PTPRT: variants seen among roughly 807,000 people sequenced by gnomAD.
The protein encoded by PTPRT is receptor-type tyrosine-protein phosphatase T.
PTPRT carries 56 observed loss-of-function variants against 176.8 expected under a neutral mutation model. That is an observed-to-expected ratio of 0.32 (90% CI 0.26 to 0.40). The LOEUF is 0.40. Among genes scored for constraint, PTPRT ranks in the 10% least tolerant of loss-of-function variants. The pLI is 1.00. For missense variants in PTPRT, 1,540 were observed against 1,908.2 expected (o/e 0.81, Z 3.60); for synonymous variants, 783 against 739.0 (o/e 1.06, Z -0.96).
chr20:43,059,034 TC>T (rs1600681386), intron 1 of PTPRT, among the ~76,000 whole-genome samples: 1 of 152,252 alleles, frequency 6.6e-6, no homozygotes, highest in Non-Finnish European at 1.5e-5. Context: ...TGGGAGCTCT[TC>T]CTTTGAAACC....
chr20:43,185,749 A>G (rs1380922047), intron 1 of PTPRT, among the ~76,000 whole-genome samples: 1 of 152,150 alleles, frequency 6.6e-6, no homozygotes, highest in Non-Finnish European at 1.5e-5. Context: ...GCTGGCCAAC[A>G]TGGTGAAACC....
intron 16 of PTPRT, among the ~76,000 whole-genome samples, chr20:42,192,818 C>T (rs73262915): frequency 0.014 from 2,187 of 152,270 alleles, 46 homozygotes; most frequent in African/African-American, 0.051. Flanking sequence ...CTTTGGGATG[C>T]GTAAGGATGG....
At chr20:42,982,940 C>T (rs1291284052) in intron 1 of PTPRT, among the ~76,000 whole-genome samples, 1 of 152,202 alleles carries the variant, frequency 6.6e-6, no homozygotes, top group Non-Finnish European at 1.5e-5. Flanking sequence ...TCCCACATAC[C>T]TTACGGGCAT....
chr20:42,472,122 C>G, intron 8 of PTPRT, 144 bp downstream of exon 8: 1 of 910,478 alleles, frequency 1.1e-6, no homozygotes, highest in Non-Finnish European at 1.6e-6. Flanking sequence ...TTTACATAGT[C>G]CTTCATTGAA....
intron 2 of PTPRT, among the ~76,000 whole-genome samples, chr20:42,813,099 T>C (rs1198535553): frequency 6.6e-6 from 1 of 152,200 alleles, no homozygotes; most frequent in Non-Finnish European, 1.5e-5. Context: ...TATTTTGTTT[T>C]TGTATTGTTT....
chr20:42,704,067 GT>G (rs1332043900), intron 6 of PTPRT, among the ~76,000 whole-genome samples: 1 of 152,038 alleles, frequency 6.6e-6, no homozygotes. Context: ...CAAAACCAAG[GT>G]CACTGTGCAA....
rs1369293369 is a variant in PTPRT, at chr20:42,791,443, A to G, written c.238T>C (p.Ser80Pro). Residue 80 changes from serine (S) to proline (P), a missense_variant, in exon 3 of 31, where the codon TCT (serine) becomes CCT (proline). Transcript: ENST00000373187. ...PTGSFMMVNSSGRASGQKAHL... is the reference protein window; with the variant it reads ...PTGSFMMVNSPGRASGQKAHL... ...GCCTTCTGGCCAGAGGCTCTCCCAG[A>G]GCTGTTCACCATCATGAAAGATCCT... is the stretch of plus-strand genomic sequence containing the variant. The G allele has an allele frequency of 6.2e-7, 1 of 1,612,694 alleles. No homozygotes were observed. Among genetic ancestry groups the G allele is most frequent in the East Asian group, 2.2e-5 (1 of 44,838 alleles).
chr20:42,814,841 C>T (rs1352998036), intron 2 of PTPRT, among the ~76,000 whole-genome samples: 1 of 152,080 alleles, frequency 6.6e-6, no homozygotes, highest in African/African-American at 2.4e-5. Context: ...TGAACACCAA[C>T]ATTAGTTTAA....
At chr20:42,638,312 T>C (rs2145921280) in intron 7 of PTPRT, among the ~76,000 whole-genome samples, 1 of 152,162 alleles carries the variant, frequency 6.6e-6, no homozygotes, top group African/African-American at 2.4e-5. Flanking sequence ...CTTCAGGATG[T>C]CCATTTAGCG....
At chr20:42,427,603 T>A (rs1474297287) in intron 9 of PTPRT, among the ~76,000 whole-genome samples, 2 of 152,046 alleles carry the variant, frequency 1.3e-5, no homozygotes, top group Non-Finnish European at 2.9e-5. Flanking sequence ...AAGGGCAGAC[T>A]CCTCCCAAAC....
chr20:42,052,935 A>G, the PTPRT span, among the ~76,000 whole-genome samples: 1 of 152,300 alleles, frequency 6.6e-6, no homozygotes, highest in African/African-American at 2.4e-5. Context: ...CTTTTTCTGT[A>G]AAAAGCCAGA....
intron 7 of PTPRT, among the ~76,000 whole-genome samples, chr20:42,498,211 A>G (rs1411795759): frequency 6.6e-6 from 1 of 152,170 alleles, no homozygotes; most frequent in East Asian, 1.9e-4. Context: ...AATCGAAAAT[A>G]AAATTCTAAG....
intron 12 of PTPRT, among the ~76,000 whole-genome samples, chr20:42,286,293 C>T (rs150894018): frequency 1.3e-5 from 2 of 152,008 alleles, no homozygotes; most frequent in Admixed American, 6.6e-5. Context: ...GCAAAAAGAA[C>T]AAAGCTAGAG....
At chr20:42,044,189 C>A in the PTPRT span, among the ~76,000 whole-genome samples, 1 of 152,226 alleles carries the variant, frequency 6.6e-6, no homozygotes, top group Non-Finnish European at 1.5e-5. Flanking sequence ...CCAGATGAAG[C>A]AGAGGCCTCC....
intron 2 of PTPRT, among the ~76,000 whole-genome samples, chr20:42,830,575 T>C (rs1018761905): frequency 2.0e-5 from 3 of 152,092 alleles, no homozygotes; most frequent in Admixed American, 1.3e-4. Flanking sequence ...CTATTCAACA[T>C]AGCATTGGAA....
At chr20:42,037,298 G>A in the PTPRT span, among the ~76,000 whole-genome samples, 4 of 152,228 alleles carry the variant, frequency 2.6e-5, no homozygotes, top group Admixed American at 6.5e-5. Context: ...AGCCCATCCT[G>A]TGGTTGGTGC....
At position 42,236,863 on chromosome 20, in the gene PTPRT, C is replaced by T. The variant is rs752496653; in HGVS notation, c.2313-605G>A. ...CTAGTATTCAGGCCCTTGTGGACTG[C>T]CCTCCCACAGAGTCAGGACTGACCC... On this transcript the variant is annotated intron_variant, in intron 14 of 30. Coordinates refer to ENST00000373187, the MANE Select transcript of PTPRT (RefSeq NM_007050.6). Among the ~76,000 whole-genome samples the T allele has an allele frequency of 9.3e-4, 142 of 152,068 alleles. 1 individual carries two copies. The highest frequency in any genetic ancestry group is 3.1e-4 in the Non-Finnish European group (21 of 68,014).
chr20:43,178,944 T>C (rs980194374), intron 1 of PTPRT, among the ~76,000 whole-genome samples: 3 of 152,230 alleles, frequency 2.0e-5, no homozygotes, highest in Admixed American at 1.3e-4. Flanking sequence ...GACTTAGGGT[T>C]GGAACCATCA....
intron 1 of PTPRT, among the ~76,000 whole-genome samples, chr20:43,061,163 G>A (rs1987446306): frequency 1.3e-5 from 2 of 152,008 alleles, no homozygotes; most frequent in African/African-American, 4.8e-5. Context: ...CTCACAATAA[G>A]CATTCCACAA....
Sources: gnomAD v4.1 joint callset for allele counts (sites outside exome capture counted in the v4.1 genomes callset) on GRCh38, gnomAD v4.1.1 for gene constraint, MANE v1.5 for transcripts, NCBI Gene and HGNC (gene_info 2026-07-23, HGNC 2026-07-21) for gene names.